The following ZNHIT6 variants were observed in gnomAD, a reference collection of about 807,000 sequenced individuals.
ZNHIT6 encodes box C/D snoRNA protein 1.
Under a neutral mutation model 57.2 loss-of-function variants are expected in ZNHIT6, and 45 were observed. That is an observed-to-expected ratio of 0.79 (90% confidence interval 0.62 to 1.01). ZNHIT6 has a LOEUF of 1.01. ZNHIT6 is among the 50% of genes least tolerant of loss of function. The pLI is 0.00. For missense variants in ZNHIT6, 528 were observed against 567.3 expected (o/e 0.93, Z 0.70); for synonymous variants, 188 against 190.0 (o/e 0.99, Z 0.09).
chr1:85,691,396 GA>G (rs1662214218), intron 5 of ZNHIT6, among the ~76,000 whole-genome samples: 1 of 152,206 alleles, frequency 6.6e-6, no homozygotes, highest in Admixed American at 6.5e-5. Flanking sequence ...CTTCAAATGA[GA>G]GGGGGATAAG....
rs200526002 is a variant in ZNHIT6, at chr1:85,702,676, G to GTA, written c.916-418_916-417dup. ...TTACCGATGGTTTTACCAGTTAGCT[G>GTA]TATATATATATCACTGATTTTATTA... On this transcript the variant is annotated intron_variant, in intron 4 of 9. Transcript: ENST00000370574. Among the ~76,000 whole-genome samples, 1,423 of 152,174 alleles carry GTA rather than the reference G, an allele frequency of 9.4e-3. 58 individuals carry two copies. Among genetic ancestry groups the GTA allele is most frequent in the Admixed American group, 0.062 (952 of 15,270 alleles).
chr1:85,666,626 G>A (rs1212661266), intron 8 of ZNHIT6, among the ~76,000 whole-genome samples: 1 of 151,982 alleles, frequency 6.6e-6, no homozygotes, highest in Non-Finnish European at 1.5e-5. Flanking sequence ...ACCGAACTGT[G>A]CCAACTAGCT....
chr1:85,707,522 T>G, intron 1 of ZNHIT6, 107 bp downstream of exon 1: 2 of 1,300,676 alleles, frequency 1.5e-6, no homozygotes, highest in South Asian at 1.7e-5. Context: ...CCCAAACTTG[T>G]GCTCATTTTT....
chr1:85,660,696 A>G (rs1661199686), intron 8 of ZNHIT6, among the ~76,000 whole-genome samples: 1 of 152,108 alleles, frequency 6.6e-6, no homozygotes, highest in East Asian at 1.9e-4. Flanking sequence ...TGGATCCTGA[A>G]ACTGTAATGA....
chr1:85,705,929 CTTTG>C (rs746294458), intron 4 of ZNHIT6, 145 bp downstream of exon 4: 10 of 646,954 alleles, frequency 1.5e-5, no homozygotes, highest in Non-Finnish European at 2.6e-5. Flanking sequence ...AGGGGACGGA[CTTTG>C]TTTGGGTCAC....
intron 8 of ZNHIT6, among the ~76,000 whole-genome samples, chr1:85,675,225 G>C (rs759035355): frequency 7.2e-5 from 11 of 151,980 alleles, no homozygotes; most frequent in African/African-American, 2.7e-4. Context: ...GAGCCAAATG[G>C]GATAAATCTA....
chr1:85,688,528 G>T (rs2100696627), intron 5 of ZNHIT6, among the ~76,000 whole-genome samples: 1 of 152,220 alleles, frequency 6.6e-6, no homozygotes, highest in East Asian at 1.9e-4. Context: ...TAGACATTTT[G>T]ACTATTTACT....
At chr1:85,667,966 A>AAAAAAAAAAAAAAG (rs1557842201) in intron 8 of ZNHIT6, among the ~76,000 whole-genome samples, 1 of 116,726 alleles carries the variant, frequency 8.6e-6, no homozygotes, top group Non-Finnish European at 1.8e-5. Flanking sequence ...AAAAAAATAT[A>AAAAAAAAAAAAAAG]TATATATATA....
At chr1:85,679,623 C>T (rs1661811347) in intron 6 of ZNHIT6, among the ~76,000 whole-genome samples, 1 of 137,560 alleles carries the variant, frequency 7.3e-6, no homozygotes, top group South Asian at 2.3e-4. Context: ...CTTGCTCTGT[C>T]GCCCAGGCTG....
At chr1:85,671,254 T>C (rs1466989664) in intron 8 of ZNHIT6, among the ~76,000 whole-genome samples, 1 of 152,170 alleles carries the variant, frequency 6.6e-6, no homozygotes, top group Non-Finnish European at 1.5e-5. Flanking sequence ...GTGAGTGGCC[T>C]GTTGGGAATG....
rs1349575632 is a variant in ZNHIT6 at position 85,657,919 on chromosome 1, C to G, written c.1300G>C (p.Val434Leu). ...KSLLDNLRNK[V>L]IIEYPTLHVV... ...TGTAATGTTGGATACTCAATGATCACTTTGTTCCTCAAATTGTCTAGGAGA... is the reference window on the plus strand; with the variant it reads ...TGTAATGTTGGATACTCAATGATCAGTTTGTTCCTCAAATTGTCTAGGAGA... Residue 434 changes from valine (V) to leucine (L), a missense_variant, in exon 9 of 10, where the codon GTG (valine) becomes CTG (leucine). Coordinates refer to ENST00000370574, the MANE Select transcript of ZNHIT6 (RefSeq NM_017953.4). The G allele has an allele frequency of 6.3e-7, 1 of 1,595,630 alleles. No homozygotes were observed. Among genetic ancestry groups the G allele is most frequent in the Non-Finnish European group, 8.6e-7 (1 of 1,166,656 alleles).
intron 5 of ZNHIT6, among the ~76,000 whole-genome samples, chr1:85,693,661 A>G (rs912994834): frequency 6.6e-6 from 1 of 152,228 alleles, no homozygotes; most frequent in Admixed American, 6.5e-5. Flanking sequence ...CAAAGACAAT[A>G]TTGAATATTT....
At chr1:85,679,872 G>A (rs576624912) in intron 6 of ZNHIT6, among the ~76,000 whole-genome samples, 132 of 152,206 alleles carry the variant, frequency 8.7e-4, no homozygotes, top group Middle Eastern at 6.8e-3. Flanking sequence ...GGTGTGAGCC[G>A]CTGCATCTGG....
At chr1:85,669,616 C>G (rs1661495224) in intron 8 of ZNHIT6, among the ~76,000 whole-genome samples, 1 of 152,092 alleles carries the variant, frequency 6.6e-6, no homozygotes, top group African/African-American at 2.4e-5. Context: ...GAAATCAAAG[C>G]TTAGGTAATA....
rs1661164358 is a variant in ZNHIT6 at position 85,659,403 on chromosome 1, A to G, written c.1248-1432T>C. ...AAGCTGAGAACATGTCAACCAGTCT[A>G]GTGCAGAAGTTCTCCAGCATTTTTA... On this transcript the variant is annotated intron_variant, in intron 8 of 9. Coordinates refer to ENST00000370574, the MANE Select transcript of ZNHIT6 (RefSeq NM_017953.4). Among the ~76,000 whole-genome samples the G allele has an allele frequency of 1.3e-5, 2 of 152,228 alleles. 1 individual carries two copies. Among genetic ancestry groups the G allele is most frequent in the South Asian group, 4.1e-4 (2 of 4,834 alleles).
intron 4 of ZNHIT6, among the ~76,000 whole-genome samples, chr1:85,704,484 G>A (rs1662624004): frequency 1.3e-5 from 2 of 152,044 alleles, no homozygotes; most frequent in African/African-American, 4.8e-5. Flanking sequence ...GGAACTTCTG[G>A]GAAGCCAGTA....
chr1:85,658,000 G>T, intron 8 of ZNHIT6, 29 bp from the exon 9 acceptor site: 1 of 1,360,300 alleles, frequency 7.4e-7, no homozygotes, highest in Non-Finnish European at 1.0e-6. Flanking sequence ...CAAAAAACCA[G>T]GAAACACTCT....
rs1433721844 is a variant in ZNHIT6, at chr1:85,653,521, C to G, written c.*537G>C. The G allele has an allele frequency of 6.6e-6, 1 of 151,966 alleles. No homozygotes were observed. Among genetic ancestry groups the G allele is most frequent in the African/African-American group, 2.4e-5 (1 of 41,366 alleles). 9.4% of individuals were successfully genotyped at this position (151,966 alleles called of 1,614,324 possible). ...GTGGCTGATGCCTGTAATCCCAATG[C>G]TTTGGAGTCTGAGGTGGAAGGATTG... On this transcript the variant is annotated 3_prime_UTR_variant, in exon 10 of 10. Transcript: ENST00000370574.
intron 8 of ZNHIT6, among the ~76,000 whole-genome samples, chr1:85,667,423 T>C (rs1661398066): frequency 6.6e-6 from 1 of 152,138 alleles, no homozygotes; most frequent in African/African-American, 2.4e-5. Context: ...TCACATTGTT[T>C]TGCTTAAACA....
Sources: allele counts gnomAD v4.1 joint callset (sites outside exome capture counted in the v4.1 genomes callset), GRCh38; gene constraint gnomAD v4.1.1; transcripts MANE v1.5; gene names NCBI Gene and HGNC (gene_info 2026-07-23, HGNC 2026-07-21).